ASTN1: variants seen among roughly 807,000 people sequenced by gnomAD.
The protein encoded by ASTN1 is astrotactin-1.
Under a neutral mutation model 140.7 loss-of-function variants are expected in ASTN1, and 41 were observed. The ratio of observed to expected loss-of-function variants is 0.29; its 90% CI spans 0.23 to 0.38. The LOEUF (loss-of-function observed/expected upper bound fraction) is 0.38, where lower values mean the gene tolerates loss of function less well. ASTN1 is among the 10% of genes least tolerant of loss of function. The pLI is 1.00. For synonymous variants in ASTN1, 640 were observed against 652.2 expected (o/e 0.98, Z 0.29); for missense variants, 1,479 against 1,678.8 (o/e 0.88, Z 2.08).
At chr1:177,150,687 G>C (rs772727860) in intron 1 of ASTN1, among the ~76,000 whole-genome samples, 25 of 152,108 alleles carry the variant, frequency 1.6e-4, no homozygotes, top group Admixed American at 4.6e-4. Flanking sequence ...TGTGACCCTA[G>C]TTATGGGTAA....
chr1:177,020,429 T>C (rs926024184), intron 7 of ASTN1, among the ~76,000 whole-genome samples: 2 of 152,200 alleles, frequency 1.3e-5, no homozygotes, highest in Admixed American at 6.5e-5. Context: ...CCTTGGCTCA[T>C]GCCTCCTTCC....
rs534044167 is a variant in ASTN1 at position 176,946,147 on chromosome 1, G to T, written c.2055-27C>A. ...TAGCACAGAGGAGAGCTCAATATAA[G>T]AAGTTATTCCATCAATGACCCATGC... On this transcript the variant is annotated intron_variant, in intron 12 of 22. Coordinates refer to ENST00000361833, the MANE Select transcript of ASTN1 (RefSeq NM_004319.3). 97 of 1,513,466 alleles carry T rather than the reference G, an allele frequency of 6.4e-5. No homozygotes were observed. In the East Asian group the frequency reaches 1.3e-3, roughly 20 times the overall value. The allele number at this position is 1,513,466 out of a possible 1,614,324, so 93.8% of individuals were successfully genotyped here.
At chr1:177,102,252 T>C (rs914314714) in intron 1 of ASTN1, among the ~76,000 whole-genome samples, 15 of 152,182 alleles carry the variant, frequency 9.9e-5, no homozygotes, top group African/African-American at 3.4e-4. Flanking sequence ...TATAAGTCAA[T>C]ACAGGGTTAA....
chr1:176,923,098 T>C (rs531445709), intron 16 of ASTN1, among the ~76,000 whole-genome samples: 8 of 152,234 alleles, frequency 5.3e-5, no homozygotes, highest in African/African-American at 1.7e-4. Context: ...CTAATAAAAA[T>C]TTTGATGCAA....
intron 2 of ASTN1, among the ~76,000 whole-genome samples, chr1:177,059,452 T>A (rs1252220576): frequency 6.6e-6 from 1 of 152,172 alleles, no homozygotes; most frequent in Non-Finnish European, 1.5e-5. Context: ...GTACTGGAAC[T>A]CCCATGCTAT....
At chr1:176,942,563 G>A (rs1363209756) in intron 14 of ASTN1, among the ~76,000 whole-genome samples, 2 of 151,808 alleles carry the variant, frequency 1.3e-5, no homozygotes, top group Non-Finnish European at 2.9e-5. Flanking sequence ...ATCACTAAGC[G>A]AAAGGGAAAA....
At position 176,946,187 on chromosome 1, in the gene ASTN1, C is replaced by T. The variant is rs75112303; in HGVS notation, c.2055-67G>A. 5.7e-4 allele frequency: 786 copies of T among 1,369,588 alleles called. 4 individuals are homozygous for T. The African/African-American group carries it at 0.01, about 18-fold the overall frequency. 84.8% of individuals were successfully genotyped at this position (1,369,588 alleles called of 1,614,324 possible). On this transcript the variant is annotated intron_variant, in intron 12 of 22. Coordinates refer to ENST00000361833, the MANE Select transcript of ASTN1 (RefSeq NM_004319.3). Reference sequence around the variant, plus strand: ...ATGACCCATGCAGGCAAGTCAACCCCGTATATTGGGAGGAAATGCCTTTGA... The same window carrying T: ...ATGACCCATGCAGGCAAGTCAACCCTGTATATTGGGAGGAAATGCCTTTGA...
At chr1:177,098,804 TAAAGGTGAG>T (rs997258157) in intron 1 of ASTN1, among the ~76,000 whole-genome samples, 3 of 152,044 alleles carry the variant, frequency 2.0e-5, no homozygotes, top group Admixed American at 6.6e-5. Context: ...ATGAGAAAAA[TAAAGGTGAG>T]AAAGCTCCTT....
chr1:177,162,852 C>A (rs1022185165), intron 1 of ASTN1, among the ~76,000 whole-genome samples: 1 of 152,186 alleles, frequency 6.6e-6, no homozygotes, highest in Non-Finnish European at 1.5e-5. Flanking sequence ...ATCCACAATG[C>A]TCCCATTTCC....
chr1:176,885,381 A>G (rs4652201), intron 18 of ASTN1, among the ~76,000 whole-genome samples: 127,482 of 152,164 alleles, frequency 0.84, 53,577 homozygotes, highest in Middle Eastern at 0.95. Flanking sequence ...TCTCTTAATT[A>G]TCCACGTGGT....
chr1:177,073,638 T>C (rs1166212967), intron 1 of ASTN1, among the ~76,000 whole-genome samples: 1 of 149,488 alleles, frequency 6.7e-6, no homozygotes, highest in Non-Finnish European at 1.5e-5. Context: ...CTACTGATTA[T>C]TACACTTACT....
chr1:177,122,854 G>C (rs1391392307), intron 1 of ASTN1, among the ~76,000 whole-genome samples: 1 of 152,162 alleles, frequency 6.6e-6, no homozygotes, highest in African/African-American at 2.4e-5. Flanking sequence ...TTATGGAAAG[G>C]CTGACAGAGA....
intron 1 of ASTN1, among the ~76,000 whole-genome samples, chr1:177,137,908 T>G (rs1408125105): frequency 5.9e-5 from 9 of 152,106 alleles, no homozygotes. Flanking sequence ...GGTCTTAGAA[T>G]AGAAAATGAT....
chr1:177,127,625 G>C (rs1189727269), intron 1 of ASTN1, among the ~76,000 whole-genome samples: 2 of 152,172 alleles, frequency 1.3e-5, no homozygotes, highest in Non-Finnish European at 2.9e-5. Flanking sequence ...TCAATGGAAG[G>C]TGACCTGAGG....
At chr1:176,889,907 C>T (rs367589795) in intron 17 of ASTN1, among the ~76,000 whole-genome samples, 2 of 152,112 alleles carry the variant, frequency 1.3e-5, no homozygotes, top group African/African-American at 4.8e-5. Flanking sequence ...TGCATAAGTG[C>T]CCACTTTATG....
intron 8 of ASTN1, among the ~76,000 whole-genome samples, chr1:176,980,722 T>C (rs1673574318): frequency 6.6e-6 from 1 of 152,078 alleles, no homozygotes; most frequent in South Asian, 2.1e-4. Context: ...CTAGGAAACT[T>C]CAGGTTCAAA....
chr1:177,094,379 T>C (rs1679922121), intron 1 of ASTN1, among the ~76,000 whole-genome samples: 1 of 152,206 alleles, frequency 6.6e-6, no homozygotes, highest in African/African-American at 2.4e-5. Flanking sequence ...AGGCTGCCTA[T>C]GCACATGATT....
At chr1:177,111,382 G>A (rs1358728605) in intron 1 of ASTN1, among the ~76,000 whole-genome samples, 1 of 152,100 alleles carries the variant, frequency 6.6e-6, no homozygotes, top group African/African-American at 2.4e-5. Context: ...ATGTGCATGT[G>A]AATCACTTGG....
At chr1:176,940,433 G>A (rs1428190677) in intron 14 of ASTN1, among the ~76,000 whole-genome samples, 2 of 152,164 alleles carry the variant, frequency 1.3e-5, no homozygotes, top group African/African-American at 4.8e-5. Context: ...TTCCACTTAA[G>A]TCCAACCAGA....
Sources: allele counts gnomAD v4.1 joint callset (sites outside exome capture counted in the v4.1 genomes callset), GRCh38; gene constraint gnomAD v4.1.1; transcripts MANE v1.5; gene names NCBI Gene and HGNC (gene_info 2026-07-23, HGNC 2026-07-21).